The following NBEA variants were observed in gnomAD, a reference collection of about 807,000 sequenced individuals.
NBEA encodes lysosomal-trafficking regulator 2.
In NBEA, 44 loss-of-function variants were observed where a neutral mutation model predicts 343.4. That is an observed-to-expected ratio of 0.13 (90% CI 0.10 to 0.16). The LOEUF is 0.16. NBEA is among the 10% of genes least tolerant of loss of function. NBEA has a pLI of 1.00. For missense variants in NBEA, 2,555 were observed against 3,631.3 expected, an observed-to-expected ratio of 0.70 and a Z score of 7.62; for synonymous variants, 1,175 against 1,238.7, an observed-to-expected ratio of 0.95 and a Z score of 1.08.
intron 55 of NBEA, 64 bp from the exon 56 acceptor site, chr13:35,665,021 G>C (rs912331172): frequency 9.3e-7 from 1 of 1,074,172 alleles, no homozygotes; most frequent in Non-Finnish European, 1.4e-6. Context: ...ATATTGCATT[G>C]CTGGTGTAGC....
At chr13:35,199,289 G>C (rs186654407) in intron 31 of NBEA, among the ~76,000 whole-genome samples, 1 of 152,208 alleles carries the variant, frequency 6.6e-6, no homozygotes, top group Admixed American at 6.5e-5. Flanking sequence ...TGAAATCCAA[G>C]TTATGACATG....
At chr13:35,223,915 G>T (rs73491655) in intron 33 of NBEA, among the ~76,000 whole-genome samples, 1 of 152,126 alleles carries the variant, frequency 6.6e-6, no homozygotes, top group Admixed American at 6.6e-5. Flanking sequence ...GTTAGAAAAT[G>T]AGCTTCCAGG....
At chr13:35,566,517 A>G (rs1024895984) in intron 44 of NBEA, among the ~76,000 whole-genome samples, 1 of 152,176 alleles carries the variant, frequency 6.6e-6, no homozygotes, top group African/African-American at 2.4e-5. Context: ...ACATCAGCAG[A>G]AGAGAGATGA....
chr13:34,953,955 A>G (rs1017236004), intron 1 of NBEA, among the ~76,000 whole-genome samples: 1 of 152,202 alleles, frequency 6.6e-6, no homozygotes, highest in Non-Finnish European at 1.5e-5. Flanking sequence ...GCTCCTTATG[A>G]AAATCTAATG....
intron 38 of NBEA, among the ~76,000 whole-genome samples, chr13:35,425,525 T>A (rs1315717255): frequency 6.6e-6 from 1 of 152,174 alleles, no homozygotes; most frequent in Non-Finnish European, 1.5e-5. Context: ...TTTGTTATAA[T>A]TTCTGTTCTT....
At chr13:35,039,416 A>G (rs2062568128) in intron 1 of NBEA, among the ~76,000 whole-genome samples, 1 of 152,092 alleles carries the variant, frequency 6.6e-6, no homozygotes, top group Non-Finnish European at 1.5e-5. Flanking sequence ...TAGAGGGACG[A>G]TCTGTGGAGT....
At chr13:35,191,889 G>A (rs1457121452) in intron 30 of NBEA, among the ~76,000 whole-genome samples, 2 of 152,024 alleles carry the variant, frequency 1.3e-5, no homozygotes, top group African/African-American at 4.8e-5. Context: ...ATTTTTGGAG[G>A]AAGGAATGTG....
At chr13:35,633,948 A>G (rs2083583348) in intron 49 of NBEA, among the ~76,000 whole-genome samples, 1 of 152,200 alleles carries the variant, frequency 6.6e-6, no homozygotes, top group African/African-American at 2.4e-5. Context: ...CCAAAATTTT[A>G]TAAAGATGGC....
At chr13:35,179,695 A>G in intron 28 of NBEA, 3 of 774,970 alleles carry the variant, frequency 3.9e-6, no homozygotes, top group Non-Finnish European at 3.1e-6. Context: ...TATTTGTTGA[A>G]TGCCTTCTGA....
chr13:35,254,635 T>C (rs1327521015), intron 34 of NBEA, among the ~76,000 whole-genome samples: 1 of 152,170 alleles, frequency 6.6e-6, no homozygotes. Flanking sequence ...TTCTTACTTT[T>C]GATAGCAGTA....
chr13:35,539,642 C>T (rs2078717057), intron 41 of NBEA, among the ~76,000 whole-genome samples: 3 of 141,842 alleles, frequency 2.1e-5, no homozygotes, highest in South Asian at 2.4e-4. Flanking sequence ...TAGGGCCGGG[C>T]GGGGTGGCTC....
chr13:35,360,545 G>C (rs1351789399), intron 38 of NBEA, among the ~76,000 whole-genome samples: 1 of 151,968 alleles, frequency 6.6e-6, no homozygotes, highest in Non-Finnish European at 1.5e-5. Flanking sequence ...ATCCCAAGAT[G>C]ACTAAAATGT....
chr13:35,563,244 A>T (rs570712807), intron 44 of NBEA, among the ~76,000 whole-genome samples: 1 of 152,068 alleles, frequency 6.6e-6, no homozygotes, highest in Admixed American at 6.5e-5. Context: ...CCTACCAATT[A>T]TAGCACCAGT....
chr13:35,665,009 G>T (rs116710946), intron 55 of NBEA, 76 bp from the exon 56 acceptor site: 3 of 978,334 alleles, frequency 3.1e-6, no homozygotes, highest in East Asian at 2.6e-5. Flanking sequence ...GGTATTTTTT[G>T]AATATTGCAT....
intron 10 of NBEA, 46 bp downstream of exon 10, chr13:35,070,898 TA>T (rs1340207978): frequency 1.9e-6 from 3 of 1,598,700 alleles, no homozygotes; most frequent in South Asian, 2.2e-5. Context: ...TATACACACT[TA>T]AGACTATGCA....
intron 38 of NBEA, among the ~76,000 whole-genome samples, chr13:35,430,121 A>AT (rs1053103934): frequency 6.1e-4 from 90 of 148,420 alleles, no homozygotes; most frequent in Admixed American, 3.7e-3. Flanking sequence ...CCACACCAAC[A>AT]TTTTTTTTTT....
chr13:35,466,357 A>G (rs1181591715), intron 40 of NBEA, among the ~76,000 whole-genome samples: 1 of 152,216 alleles, frequency 6.6e-6, no homozygotes, highest in Non-Finnish European at 1.5e-5. Flanking sequence ...TTTAGGGGAG[A>G]GTACATTGTG....
At chr13:35,646,485 C>T in intron 51 of NBEA, 137 bp downstream of exon 51, 1 of 665,296 alleles carries the variant, frequency 1.5e-6, no homozygotes, top group Non-Finnish European at 2.6e-6. Context: ...TAAGTACAAA[C>T]TAATACCCCA....
chr13:35,086,354 A>G (rs2064761303), intron 10 of NBEA, among the ~76,000 whole-genome samples: 1 of 152,014 alleles, frequency 6.6e-6, no homozygotes, highest in African/African-American at 2.4e-5. Context: ...TGCAAACTAT[A>G]GTCACTCTAC....
Sources: gnomAD v4.1 joint callset for allele counts (sites outside exome capture counted in the v4.1 genomes callset) on GRCh38, gnomAD v4.1.1 for gene constraint, MANE v1.5 for transcripts, NCBI Gene and HGNC (gene_info 2026-07-23, HGNC 2026-07-21) for gene names.